KPNA4: variants seen among roughly 807,000 people sequenced by gnomAD.
The protein encoded by KPNA4 is karyopherin subunit alpha 4.
A neutral mutation model predicts 71.3 loss-of-function variants in KPNA4; 13 were observed. The observed-to-expected ratio is 0.18, with a 90% CI of 0.12 to 0.29. The LOEUF (loss-of-function observed/expected upper bound fraction) is 0.29. Among genes scored for constraint, KPNA4 ranks in the 10% least tolerant of loss-of-function variants. The pLI is 1.00. For missense variants in KPNA4, 334 were observed against 603.2 expected, an observed-to-expected ratio of 0.55 and a Z score of 4.67; for synonymous variants, 189 against 195.2, an observed-to-expected ratio of 0.97 and a Z score of 0.26.
intron 7 of KPNA4, among the ~76,000 whole-genome samples, chr3:160,530,411 C>T (rs1022279487): frequency 2.6e-5 from 4 of 151,906 alleles, no homozygotes; most frequent in African/African-American, 4.8e-5. Context: ...CCTGGGAGGC[C>T]GAGGCTACAG....
intron 1 of KPNA4, among the ~76,000 whole-genome samples, chr3:160,543,180 T>C (rs1452589016): frequency 1.3e-5 from 2 of 152,210 alleles, no homozygotes; most frequent in African/African-American, 4.8e-5. Context: ...CCCAGGATGA[T>C]TTCCTAGTAT....
intron 8 of KPNA4, among the ~76,000 whole-genome samples, chr3:160,527,381 T>A (rs1560049463): frequency 6.6e-6 from 1 of 152,216 alleles, no homozygotes; most frequent in Admixed American, 6.5e-5. Flanking sequence ...GTTATAGTAA[T>A]CACAGTGTTA....
At chr3:160,517,730 C>T (rs560985934) in intron 11 of KPNA4, among the ~76,000 whole-genome samples, 1 of 152,168 alleles carries the variant, frequency 6.6e-6, no homozygotes, top group South Asian at 2.1e-4. Context: ...AGCTTCTTTT[C>T]ATGTGCTTAC....
chr3:160,540,158 C>T (rs536189751), intron 1 of KPNA4, among the ~76,000 whole-genome samples: 5 of 151,836 alleles, frequency 3.3e-5, no homozygotes, highest in Non-Finnish European at 7.4e-5. Context: ...TGCCACCACG[C>T]CCGGCTAAGT....
chr3:160,551,945 G>C lies in KPNA4; in HGVS notation c.69+13269C>G, dbSNP rs530307467. Among the ~76,000 whole-genome samples the C allele has an allele frequency of 9.7e-5, 14 of 144,316 alleles. No homozygotes were observed. The East Asian group carries it at 1.4e-3, about 15-fold the overall frequency. The allele number at this position is 144,316 out of a possible 152,430, so 94.7% of individuals were successfully genotyped here. A position where few individuals can be genotyped will look rare whatever the true frequency, so the allele number is the denominator to read the frequency against. On this transcript the variant is annotated intron_variant, in intron 1 of 16. Coordinates refer to ENST00000334256, the MANE Select transcript of KPNA4 (RefSeq NM_002268.5). Reference sequence around the variant, plus strand: ...TGTTCTTGGTTGTCACAACTGGGGGGGGGGGGGTGATGTGCTACTGACATC... The same window carrying C: ...TGTTCTTGGTTGTCACAACTGGGGGCGGGGGGGTGATGTGCTACTGACATC...
At chr3:160,511,752 T>C (rs879492568) in intron 13 of KPNA4, among the ~76,000 whole-genome samples, 3 of 150,292 alleles carry the variant, frequency 2.0e-5, no homozygotes, top group Non-Finnish European at 4.4e-5. Context: ...ATCTCTTTTG[T>C]CTCATGCTGA....
In KPNA4 at chr3:160,561,789, C is replaced by A. The variant is rs570892934; in HGVS notation, c.69+3425G>T. On this transcript the variant is annotated intron_variant, in intron 1 of 16. Transcript: ENST00000334256. ...TACAAGCAGAGAGAAAAAACAGCCACTGAAAATAAGGGAGTAAGAGAATCA... is the reference window on the plus strand; with the variant it reads ...TACAAGCAGAGAGAAAAAACAGCCAATGAAAATAAGGGAGTAAGAGAATCA... 7.9e-5 allele frequency among the ~76,000 whole-genome samples: 12 copies of A among 152,096 alleles called. No homozygotes were observed. The East Asian group carries it at 1.4e-3, about 17-fold the overall frequency.
chr3:160,499,812 A>G lies in KPNA4; in HGVS notation c.*2292T>C, dbSNP rs1191766263. The G allele has an allele frequency of 2.0e-5, 3 of 152,160 alleles. No individual in the cohort carries two copies. 9.4% of individuals were successfully genotyped at this position (152,160 alleles called of 1,614,324 possible). On this transcript the variant is annotated 3_prime_UTR_variant, in exon 17 of 17. Transcript: ENST00000334256. ...AAAGCATTGCTGTGTTCACCTTCCAATTACTGAAACCTTCTGTACTATGCT... is the reference window on the plus strand; with the variant it reads ...AAAGCATTGCTGTGTTCACCTTCCAGTTACTGAAACCTTCTGTACTATGCT...
intron 12 of KPNA4, chr3:160,515,249 T>C (rs924300245): frequency 3.1e-6 from 2 of 635,238 alleles, no homozygotes; most frequent in Non-Finnish European, 2.9e-6. Context: ...AGAGCCAAAA[T>C]TGCACTTTTC....
chr3:160,519,356 G>A (rs1337758624), intron 11 of KPNA4, among the ~76,000 whole-genome samples: 1 of 152,168 alleles, frequency 6.6e-6, no homozygotes, highest in Non-Finnish European at 1.5e-5. Context: ...TATATAGCAA[G>A]CAGATGCAAT....
At chr3:160,528,891 A>G (rs923114010) in intron 7 of KPNA4, among the ~76,000 whole-genome samples, 39 of 152,342 alleles carry the variant, frequency 2.6e-4, no homozygotes, top group African/African-American at 9.4e-4. Context: ...AAGTATATGT[A>G]GCTCAATCAT....
rs1355321964 is a variant in KPNA4, at chr3:160,496,472, A to T, written c.*5632T>A. ...GCTGTTTCAAAGTAAGAGTAAAAACAGGCTGGAGAAAATCTTGGGTAATAT... is the reference window on the plus strand; with the variant it reads ...GCTGTTTCAAAGTAAGAGTAAAAACTGGCTGGAGAAAATCTTGGGTAATAT... On this transcript the variant is annotated 3_prime_UTR_variant, in exon 17 of 17. Transcript: ENST00000334256. The T allele has an allele frequency of 6.6e-6, 1 of 152,214 alleles. No homozygotes were observed. Among genetic ancestry groups the T allele is most frequent in the East Asian group, 1.9e-4 (1 of 5,204 alleles). The allele number at this position is 152,214 out of a possible 1,614,324, so 9.4% of individuals were successfully genotyped here.
chr3:160,539,433 T>C lies in KPNA4; in HGVS notation c.70-2593A>G, dbSNP rs958208926. ...TATTTCTTTTTAAAAATAAGAAAAC[T>C]GAGGCTTAGAGAAGTTAGATTGTTT... On this transcript the variant is annotated intron_variant, in intron 1 of 16. Coordinates refer to ENST00000334256, the MANE Select transcript of KPNA4 (RefSeq NM_002268.5). Among the ~76,000 whole-genome samples, 10 of 152,292 alleles carry C rather than the reference T, an allele frequency of 6.6e-5. 1 individual carries two copies. The highest frequency in any genetic ancestry group is 2.2e-4 in the African/African-American group (9 of 41,582).
intron 1 of KPNA4, among the ~76,000 whole-genome samples, chr3:160,550,408 C>G (rs1722017415): frequency 6.6e-6 from 1 of 152,176 alleles, no homozygotes; most frequent in East Asian, 1.9e-4. Context: ...CATGTGCATG[C>G]CTGCATGCCT....
chr3:160,531,414 A>C (rs778590905), intron 6 of KPNA4, 48 bp downstream of exon 6: 3 of 963,760 alleles, frequency 3.1e-6, no homozygotes, highest in Non-Finnish European at 4.5e-6. Context: ...TGTCTTCTCC[A>C]AAGGATACAT....
intron 15 of KPNA4, among the ~76,000 whole-genome samples, chr3:160,507,748 T>C (rs908755795): frequency 2.0e-5 from 3 of 152,246 alleles, no homozygotes; most frequent in Non-Finnish European, 1.5e-5. Context: ...TCCTGCTTCT[T>C]CCAGAATGGA....
At chr3:160,508,421 C>T (rs925546642) in intron 14 of KPNA4, 152 bp from the exon 15 acceptor site, 2 of 458,994 alleles carry the variant, frequency 4.4e-6, no homozygotes. Flanking sequence ...TTAATCTAAC[C>T]TCCTTTTCTT....
intron 1 of KPNA4, among the ~76,000 whole-genome samples, chr3:160,543,330 C>T (rs760734573): frequency 2.4e-4 from 37 of 151,984 alleles, no homozygotes; most frequent in African/African-American, 8.0e-4. Context: ...ATCTTTTATG[C>T]CTCAAAAACT....
intron 7 of KPNA4, among the ~76,000 whole-genome samples, chr3:160,530,414 GGCTACAGTGA>G (rs1721550799): frequency 6.6e-5 from 10 of 152,148 alleles, no homozygotes; most frequent in Admixed American, 6.5e-4. Flanking sequence ...GGGAGGCCGA[GGCTACAGTGA>G]GCTGAGATTG....
Sources: allele counts gnomAD v4.1 joint callset (sites outside exome capture counted in the v4.1 genomes callset), GRCh38; gene constraint gnomAD v4.1.1; transcripts MANE v1.5; gene names NCBI Gene and HGNC (gene_info 2026-07-23, HGNC 2026-07-21).